Variants in KDM4C observed in about 807,000 individuals in gnomAD.
KDM4C encodes lysine demethylase 4C.
In KDM4C, 81 loss-of-function variants were observed where a neutral mutation model predicts 129.3. That is an observed-to-expected ratio of 0.63 (90% CI 0.52 to 0.75). The LOEUF is 0.75. Ranked by LOEUF, KDM4C falls within the 30% of genes least tolerant of loss-of-function variation. The pLI is 0.00. For missense variants in KDM4C, 1,457 were observed against 1,304.0 expected, an observed-to-expected ratio of 1.12 and a Z score of -1.81; for synonymous variants, 573 against 456.1, an observed-to-expected ratio of 1.26 and a Z score of -3.26.
chr9:6,835,434 G>A (rs1413136432), intron 4 of KDM4C: 1 of 1,177,854 alleles, frequency 8.5e-7, no homozygotes, highest in Admixed American at 1.7e-5. Context: ...TGAAGATCAA[G>A]ATCATTGCTC....
intron 19 of KDM4C, among the ~76,000 whole-genome samples, chr9:7,154,440 T>C (rs915547131): frequency 6.6e-6 from 1 of 152,186 alleles, no homozygotes; most frequent in African/African-American, 2.4e-5. Context: ...TGCTCTGTGG[T>C]TTATACACGT....
At chr9:6,928,602 T>C (rs539137386) in intron 8 of KDM4C, among the ~76,000 whole-genome samples, 1 of 152,074 alleles carries the variant, frequency 6.6e-6, no homozygotes, top group Non-Finnish European at 1.5e-5. Context: ...ATGTCCTCTT[T>C]TTTTTTTTTA....
intron 5 of KDM4C, among the ~76,000 whole-genome samples, chr9:6,874,524 C>T (rs1380972587): frequency 6.6e-6 from 1 of 152,150 alleles, no homozygotes; most frequent in Non-Finnish European, 1.5e-5. Context: ...AAACATGTTG[C>T]TGTTTAACTT....
chr9:7,167,775 A>ATTG (rs1844545933), intron 20 of KDM4C, among the ~76,000 whole-genome samples: 1 of 152,246 alleles, frequency 6.6e-6, no homozygotes, highest in South Asian at 2.1e-4. Context: ...GTCTCAGCAA[A>ATTG]GCTAGACCAA....
chr9:7,097,631 G>T (rs901361286), intron 17 of KDM4C, among the ~76,000 whole-genome samples: 2 of 152,178 alleles, frequency 1.3e-5, no homozygotes. Context: ...TGAGGGCTGG[G>T]TGGAGGTAGG....
At chr9:7,095,352 G>T (rs1476210526) in intron 17 of KDM4C, among the ~76,000 whole-genome samples, 1 of 152,158 alleles carries the variant, frequency 6.6e-6, no homozygotes, top group Non-Finnish European at 1.5e-5. Flanking sequence ...AACAAATCTT[G>T]CTAAGGATAA....
intron 4 of KDM4C, among the ~76,000 whole-genome samples, chr9:6,847,481 C>T (rs925176577): frequency 2.6e-5 from 4 of 151,958 alleles, no homozygotes; most frequent in Non-Finnish European, 4.4e-5. Context: ...TCACTGCAAA[C>T]ACCTCCCGGG....
At chr9:7,072,028 TAGAC>T (rs1342163421) in intron 17 of KDM4C, among the ~76,000 whole-genome samples, 3 of 152,146 alleles carry the variant, frequency 2.0e-5, no homozygotes, top group African/African-American at 4.8e-5. Context: ...AGGACATACA[TAGAC>T]AGCACATAAG....
At chr9:7,170,290 C>G in intron 21 of KDM4C, 3 of 1,058,996 alleles carry the variant, frequency 2.8e-6, no homozygotes, top group Non-Finnish European at 3.4e-6. Flanking sequence ...AATTGAATGT[C>G]TGTCTATTCT....
At position 6,960,224 on chromosome 9, in the gene KDM4C, C is replaced by G. The variant is rs140766632; in HGVS notation, c.922-20701C>G. ...CAGATGCATATACTGTTTCATTCCA[C>G]AAAGACTGTGAAGCAGTTGAAAGAA... is the stretch of plus-strand genomic sequence containing the variant. On this transcript the variant is annotated intron_variant, in intron 8 of 21. Transcript: ENST00000381309. Among the ~76,000 whole-genome samples the G allele has an allele frequency of 5.7e-3, 870 of 151,906 alleles. 7 individuals are homozygous for G. Among genetic ancestry groups the G allele is most frequent in the African/African-American group, 0.02 (831 of 41,386 alleles).
intron 2 of KDM4C, among the ~76,000 whole-genome samples, chr9:6,793,707 A>C (rs111278825): frequency 0.087 from 13,139 of 151,406 alleles, 790 homozygotes; most frequent in South Asian, 0.23. Context: ...TGCCCCGCTA[A>C]TTTTTTTGTA....
intron 18 of KDM4C, among the ~76,000 whole-genome samples, chr9:7,108,699 T>C (rs557379502): frequency 1.1e-4 from 17 of 152,256 alleles, no homozygotes; most frequent in Non-Finnish European, 2.1e-4. Context: ...GGTTAACCTA[T>C]GACTATATAA....
chr9:6,948,949 C>G (rs1436290319), intron 8 of KDM4C, among the ~76,000 whole-genome samples: 1 of 150,676 alleles, frequency 6.6e-6, no homozygotes, highest in African/African-American at 2.5e-5. Context: ...CTTCTCTATT[C>G]GACGAAACCG....
intron 5 of KDM4C, among the ~76,000 whole-genome samples, chr9:6,851,982 T>G (rs913362088): frequency 6.6e-6 from 1 of 152,224 alleles, no homozygotes; most frequent in Non-Finnish European, 1.5e-5. Context: ...AGATTTATAC[T>G]GTCACTATTA....
chr9:6,886,868 T>C (rs1845370634), intron 6 of KDM4C, among the ~76,000 whole-genome samples: 1 of 152,158 alleles, frequency 6.6e-6, no homozygotes, highest in African/African-American at 2.4e-5. Flanking sequence ...TCCACCTGCC[T>C]TGGCTTCCCA....
chr9:6,917,468 C>G (rs1188747872), intron 8 of KDM4C, among the ~76,000 whole-genome samples: 1 of 152,174 alleles, frequency 6.6e-6, no homozygotes, highest in East Asian at 1.9e-4. Flanking sequence ...CACACCTTGC[C>G]TTTCTTTCAC....
At chr9:6,750,693 C>G (rs1363278337) in intron 1 of KDM4C, among the ~76,000 whole-genome samples, 1 of 152,182 alleles carries the variant, frequency 6.6e-6, no homozygotes, top group Non-Finnish European at 1.5e-5. Flanking sequence ...CTGGATTAGT[C>G]AATGAAGAGC....
chr9:7,042,646 G>C (rs1308666555), intron 15 of KDM4C, among the ~76,000 whole-genome samples: 2 of 152,052 alleles, frequency 1.3e-5, no homozygotes, highest in African/African-American at 2.4e-5. Context: ...GTTTGTTTAA[G>C]TACATACAGG....
chr9:6,805,066 A>C (rs1829715350), intron 2 of KDM4C, among the ~76,000 whole-genome samples: 1 of 152,012 alleles, frequency 6.6e-6, no homozygotes, highest in Non-Finnish European at 1.5e-5. Flanking sequence ...ACGCCCGGCT[A>C]ATTTTTGTAT....
Sources: allele counts gnomAD v4.1 joint callset (sites outside exome capture counted in the v4.1 genomes callset), GRCh38; gene constraint gnomAD v4.1.1; transcripts MANE v1.5; gene names NCBI Gene and HGNC (gene_info 2026-07-23, HGNC 2026-07-21).